Variants in TINAG observed in about 807,000 individuals in gnomAD.
The protein encoded by TINAG is tubulointerstitial nephritis antigen.
In TINAG, 83 loss-of-function variants were observed where a neutral mutation model predicts 72.7. The ratio of observed to expected loss-of-function variants is 1.14; its 90% CI spans 0.96 to 1.37. TINAG has a LOEUF of 1.37. Ranked by LOEUF, TINAG falls within the 40% of genes most tolerant of loss-of-function variation. The probability of loss-of-function intolerance (pLI) is 0.00; values close to 1 mark genes in which losing one functional copy is unlikely to be tolerated. For missense variants in TINAG, 685 were observed against 576.6 expected, an observed-to-expected ratio of 1.19 and a Z score of -1.93; for synonymous variants, 234 against 189.9, an observed-to-expected ratio of 1.23 and a Z score of -1.91.
chr6:54,380,560 G>T lies in TINAG; in HGVS notation c.1285G>T (p.Glu429Ter). 6.2e-7 allele frequency: 1 copy of T among 1,610,518 alleles called. No individual in the cohort carries two copies. Among genetic ancestry groups the T allele is most frequent in the Non-Finnish European group, 8.5e-7 (1 of 1,177,836 alleles). ...ACTGAGAGGAGCACAAGGGCAGAAA[G>T]AAAAATTTTGGGTATGTAACTCTTT... ...GTLRGAQGQK[E>*]KFWIAANSWG... The change falls in exon 10 of 11, where the codon GAA becomes TAA. Residue 429 changes from glutamate to a stop codon, truncating the protein, a stop_gained. Transcript: ENST00000259782. LOFTEE classifies it high-confidence loss of function.
intron 9 of TINAG, among the ~76,000 whole-genome samples, chr6:54,358,416 C>T (rs1414260024): frequency 6.6e-6 from 1 of 151,406 alleles, no homozygotes; most frequent in Non-Finnish European, 1.5e-5. Context: ...GGTACTGATC[C>T]GTTGATCAGT....
rs1785267031 is a variant in TINAG at position 54,351,529 on chromosome 6, G to T, written c.1126+132G>T. 7.2e-6 allele frequency: 5 copies of T among 693,692 alleles called. No individual in the cohort carries two copies. The Admixed American group carries it at 9.7e-5, about 13-fold the overall frequency. 43.0% of individuals were successfully genotyped at this position (693,692 alleles called of 1,614,324 possible). A position where few individuals can be genotyped will look rare whatever the true frequency, so the allele number is the denominator to read the frequency against. ...TAAGAGTATCCAAAAGGCTTCAACA[G>T]TTCTAAAATGAGTGCAGTTATGAGA... On this transcript the variant is annotated intron_variant, in intron 8 of 10. Transcript: ENST00000259782.
intron 4 of TINAG, among the ~76,000 whole-genome samples, chr6:54,339,061 T>C (rs1477573173): frequency 6.6e-6 from 1 of 152,186 alleles, no homozygotes; most frequent in African/African-American, 2.4e-5. Context: ...TTTTCACCCA[T>C]TAACACCTCT....
chr6:54,308,601 C>A lies in TINAG; in HGVS notation c.51C>A (p.Ile17=), dbSNP rs778226201. 8.5e-5 allele frequency: 137 copies of A among 1,613,236 alleles called. No individual in the cohort carries two copies. The highest frequency in any genetic ancestry group is 1.1e-4 in the Non-Finnish European group (135 of 1,179,706). Residue 17 remains isoleucine (I), a synonymous_variant, in exon 1 of 11, where the codon ATC becomes ATA. Coordinates refer to ENST00000259782, the MANE Select transcript of TINAG (RefSeq NM_014464.4). ...TCTTCTCTTATCTTACTACAGAAATCTGGATGGAGAAGCAGTATTTATCTC... is the reference window on the plus strand; with the variant it reads ...TCTTCTCTTATCTTACTACAGAAATATGGATGGAGAAGCAGTATTTATCTC... ...ILIFSYLTTE[I]WMEKQYLSQR...
rs868457665 is a variant in TINAG, at chr6:54,385,880, T to A, written c.1297-3911T>A. Among the ~76,000 whole-genome samples, 319 of 54,054 alleles carry A rather than the reference T, an allele frequency of 5.9e-3. 1 individual carries two copies. In the African/African-American group the frequency reaches 0.062, roughly 10 times the overall value. 35.5% of individuals were successfully genotyped at this position (54,054 alleles called of 152,430 possible). On this transcript the variant is annotated intron_variant, in intron 10 of 10. Coordinates refer to ENST00000259782, the MANE Select transcript of TINAG (RefSeq NM_014464.4). ...GAGTCAAGGAGAAAAAAAAACATGATTTTTTTTTTTTTTTTTTTTTTTTTC... is the reference window on the plus strand; with the variant it reads ...GAGTCAAGGAGAAAAAAAAACATGAATTTTTTTTTTTTTTTTTTTTTTTTC...
chr6:54,333,485 G>A (rs139056648), intron 4 of TINAG, among the ~76,000 whole-genome samples: 5,554 of 151,944 alleles, frequency 0.037, 164 homozygotes, highest in East Asian at 0.11. Context: ...GGGGCTAGGG[G>A]AGGGATAGCG....
chr6:54,315,063 A>G (rs1784341268), intron 1 of TINAG, among the ~76,000 whole-genome samples: 1 of 152,174 alleles, frequency 6.6e-6, no homozygotes, highest in South Asian at 2.1e-4. Context: ...ATTAGTTAAG[A>G]TAAAAATACA....
chr6:54,338,034 T>A (rs1784908836), intron 4 of TINAG, among the ~76,000 whole-genome samples: 2 of 152,208 alleles, frequency 1.3e-5, no homozygotes, highest in South Asian at 4.1e-4. Flanking sequence ...TACTTCTGTC[T>A]CTCTCAGAAT....
chr6:54,346,879 A>T (rs2150957389), intron 5 of TINAG, among the ~76,000 whole-genome samples: 1 of 152,228 alleles, frequency 6.6e-6, no homozygotes, highest in Non-Finnish European at 1.5e-5. Flanking sequence ...GTTTTACTCC[A>T]ATATATCAGA....
chr6:54,348,582 T>C (rs992831416), intron 6 of TINAG, among the ~76,000 whole-genome samples: 2 of 152,090 alleles, frequency 1.3e-5, no homozygotes, highest in Non-Finnish European at 2.9e-5. Context: ...CTTCTCACAG[T>C]GTCCTTACAT....
In TINAG at chr6:54,320,610, G is replaced by A. The variant is rs778915584; in HGVS notation, c.387G>A (p.Glu129=). 68 of 1,608,050 alleles carry A rather than the reference G, an allele frequency of 4.2e-5. No homozygotes were observed. The highest frequency in any genetic ancestry group is 5.6e-5 in the Non-Finnish European group (66 of 1,177,022). Residue 129 remains glutamate (E), a synonymous_variant, in exon 2 of 11, where the codon GAG becomes GAA. Coordinates refer to ENST00000259782, the MANE Select transcript of TINAG (RefSeq NM_014464.4). ...TCAAAGATGGTCAACATTATGAAGA[G>A]GGATCAGTAATTAAAGAAAACTGCA... ...GCFKDGQHYE[E]GSVIKENCNS...
At chr6:54,340,276 T>C (rs1784965863) in intron 4 of TINAG, among the ~76,000 whole-genome samples, 1 of 152,124 alleles carries the variant, frequency 6.6e-6, no homozygotes, top group Admixed American at 6.6e-5. Context: ...GAATTAAGCA[T>C]ATCTATATGA....
At chr6:54,338,117 C>A (rs1784910498) in intron 4 of TINAG, among the ~76,000 whole-genome samples, 2 of 152,242 alleles carry the variant, frequency 1.3e-5, no homozygotes, top group South Asian at 4.1e-4. Flanking sequence ...ACACTTTTAG[C>A]AGAATGAATG....
rs1326085571 is a variant in TINAG, at chr6:54,308,760, T to C, written c.210T>C (p.Cys70=). 16 of 1,613,930 alleles carry C rather than the reference T, an allele frequency of 9.9e-6. No individual in the cohort carries two copies. Among genetic ancestry groups the C allele is most frequent in the Middle Eastern group, 1.7e-4 (1 of 6,058 alleles). ...GTTGTGAAGACAGAGATGATGGCTGTGTCACTGAGTTCTATGCGGCGAATG... is the reference window on the plus strand; with the variant it reads ...GTTGTGAAGACAGAGATGATGGCTGCGTCACTGAGTTCTATGCGGCGAATG... ...FGCCEDRDDG[C]VTEFYAANAL... The change falls in exon 1 of 11, where the codon TGT becomes TGC. Residue 70 remains cysteine, a synonymous_variant. Coordinates refer to ENST00000259782, the MANE Select transcript of TINAG (RefSeq NM_014464.4).
rs547401076 is a variant in TINAG, at chr6:54,328,005, G to A, written c.624+1089G>A. ...GATAAAACTCCCATCTCCCTGAGACGGAGCACCTAGGGGAAGGGGCAGCTG... is the reference window on the plus strand; with the variant it reads ...GATAAAACTCCCATCTCCCTGAGACAGAGCACCTAGGGGAAGGGGCAGCTG... On this transcript the variant is annotated intron_variant, in intron 4 of 10. Transcript: ENST00000259782. Among the ~76,000 whole-genome samples, 35 of 152,242 alleles carry A rather than the reference G, an allele frequency of 2.3e-4. 2 individuals are homozygous for A. In the South Asian group the frequency reaches 6.4e-3, roughly 28 times the overall value.
At chr6:54,370,078 G>C (rs995312836) in intron 9 of TINAG, 5 of 151,946 alleles carry the variant, frequency 3.3e-5, no homozygotes, top group Non-Finnish European at 5.9e-5. Context: ...ATGTTGCTGA[G>C]ATGTCAAATA....
intron 9 of TINAG, among the ~76,000 whole-genome samples, chr6:54,380,063 A>G (rs879302913): frequency 4.6e-5 from 7 of 152,006 alleles, no homozygotes; most frequent in Non-Finnish European, 8.8e-5. Context: ...GTTTGCTGAG[A>G]ATGGTGGTTT....
chr6:54,365,789 G>A (rs1225961480), intron 9 of TINAG, among the ~76,000 whole-genome samples: 1 of 151,518 alleles, frequency 6.6e-6, no homozygotes, highest in Non-Finnish European at 1.5e-5. Flanking sequence ...AGCTACCTTG[G>A]TCTGTATCTC....
At chr6:54,378,368 G>A (rs543988608) in intron 9 of TINAG, among the ~76,000 whole-genome samples, 6 of 152,166 alleles carry the variant, frequency 3.9e-5, no homozygotes, top group South Asian at 2.1e-4. Context: ...GTAACAATCC[G>A]AATGCTGCTA....
Sources: gnomAD v4.1 joint callset for allele counts (sites outside exome capture counted in the v4.1 genomes callset) on GRCh38, gnomAD v4.1.1 for gene constraint, MANE v1.5 for transcripts, NCBI Gene and HGNC (gene_info 2026-07-23, HGNC 2026-07-21) for gene names.